KAT6A: variants seen among roughly 807,000 people sequenced by gnomAD.
KAT6A encodes lysine acetyltransferase 6A.
Under a neutral mutation model 198.4 loss-of-function variants are expected in KAT6A, and 9 were observed. That is an observed-to-expected ratio of 0.05 (90% CI 0.03 to 0.08). The LOEUF (loss-of-function observed/expected upper bound fraction) is 0.08. Ranked by LOEUF, KAT6A falls within the 10% of genes least tolerant of loss-of-function variation. The probability of loss-of-function intolerance (pLI) is 1.00; values close to 1 mark genes in which losing one functional copy is unlikely to be tolerated. For missense variants in KAT6A, 2,077 were observed against 2,509.9 expected (o/e 0.83, Z 3.69); for synonymous variants, 890 against 883.0 (o/e 1.01, Z -0.14).
Position 42,034,176 on chromosome 8 carries a change from G to C in KAT6A, c.600+14202C>G, listed in dbSNP as rs115238728. ...GGGCAAGGGAAAACAAGATAGATCT[G>C]AGGAACTGCAGGGAGACTGATGCAG... On this transcript the variant is annotated intron_variant, in intron 2 of 16. Transcript: ENST00000265713. Among the ~76,000 whole-genome samples the C allele has an allele frequency of 1.9e-3, 283 of 152,332 alleles. 1 individual carries two copies. The highest frequency in any genetic ancestry group is 6.6e-3 in the African/African-American group (275 of 41,574).
At chr8:41,954,209 A>T (rs1302744249) in intron 9 of KAT6A, among the ~76,000 whole-genome samples, 9 of 152,224 alleles carry the variant, frequency 5.9e-5, no homozygotes, top group Non-Finnish European at 1.3e-4. Context: ...ATTATATGGA[A>T]AGAAAAAGTA....
chr8:42,036,667 G>A (rs1401863822), intron 2 of KAT6A, among the ~76,000 whole-genome samples: 2 of 152,134 alleles, frequency 1.3e-5, no homozygotes, highest in African/African-American at 2.4e-5. Flanking sequence ...TGATGCAGGA[G>A]TAGTGAGTGA....
rs534431241 is a variant in KAT6A at position 41,990,124 on chromosome 8, A to G, written c.601-2561T>C. On this transcript the variant is annotated intron_variant, in intron 2 of 16. Transcript: ENST00000265713. ...AAGCCAGTCATGAGATTTGAGCTTT[A>G]TTCTGTAGCCTCTAAGGTACAACTG... Among the ~76,000 whole-genome samples the G allele has an allele frequency of 4.4e-3, 667 of 152,262 alleles. 2 individuals are homozygous for G. Among genetic ancestry groups the G allele is most frequent in the South Asian group, 6.0e-3 (29 of 4,834 alleles).
rs961955191 is a variant in KAT6A at position 41,990,970 on chromosome 8, G to A, written c.601-3407C>T. Among the ~76,000 whole-genome samples the A allele has an allele frequency of 5.5e-5, 8 of 145,698 alleles. No homozygotes were observed. The East Asian group carries it at 6.0e-4, about 11-fold the overall frequency. ...AGATTGTGCCATTGCACTCCAGCCT[G>A]GGTGACAGGGCGAGACTCCGTCTCA... On this transcript the variant is annotated intron_variant, in intron 2 of 16. Transcript: ENST00000265713.
intron 2 of KAT6A, among the ~76,000 whole-genome samples, chr8:42,038,663 A>T (rs1827491880): frequency 6.6e-6 from 1 of 152,246 alleles, no homozygotes; most frequent in African/African-American, 2.4e-5. Flanking sequence ...TTATTTGTGA[A>T]ATCAGATTAG....
At chr8:42,017,365 G>T (rs1224187845) in intron 2 of KAT6A, among the ~76,000 whole-genome samples, 3 of 152,134 alleles carry the variant, frequency 2.0e-5, no homozygotes, top group African/African-American at 7.2e-5. Context: ...AGGACAGGCA[G>T]ATAAATGAAC....
intron 3 of KAT6A, among the ~76,000 whole-genome samples, chr8:41,984,174 G>T (rs1397076379): frequency 6.6e-6 from 1 of 152,126 alleles, no homozygotes; most frequent in African/African-American, 2.4e-5. Flanking sequence ...AGGCATTCTT[G>T]CCTCCTGCTA....
chr8:42,031,452 A>G (rs1297986714), intron 2 of KAT6A, among the ~76,000 whole-genome samples: 1 of 151,946 alleles, frequency 6.6e-6, no homozygotes, highest in Non-Finnish European at 1.5e-5. Flanking sequence ...TAATCAACCT[A>G]ATTTCTATCA....
intron 6 of KAT6A, among the ~76,000 whole-genome samples, chr8:41,978,229 G>C (rs1410244493): frequency 1.3e-5 from 2 of 152,176 alleles, no homozygotes; most frequent in East Asian, 1.9e-4. Flanking sequence ...ACTGAGACAA[G>C]ATCAGGAGAG....
At chr8:42,005,796 A>ACTCACT (rs3041258) in intron 2 of KAT6A, among the ~76,000 whole-genome samples, 2 of 148,794 alleles carry the variant, frequency 1.3e-5, no homozygotes, top group East Asian at 2.0e-4. Context: ...ACACACACAC[A>ACTCACT]CACTCACTCT....
chr8:42,022,486 T>C (rs1826595475), intron 2 of KAT6A, among the ~76,000 whole-genome samples: 3 of 152,208 alleles, frequency 2.0e-5, no homozygotes, highest in South Asian at 4.1e-4. Context: ...TCTTTGGTCA[T>C]TAGGCTGGAA....
At chr8:41,987,384 A>C in intron 3 of KAT6A, 71 bp downstream of exon 3, 1 of 861,798 alleles carries the variant, frequency 1.2e-6, no homozygotes, top group Non-Finnish European at 2.0e-6. Context: ...AAGGATACAA[A>C]CTCAAGTCAA....
chr8:42,045,854 G>A (rs1284016178), intron 2 of KAT6A, among the ~76,000 whole-genome samples: 4 of 150,882 alleles, frequency 2.7e-5, no homozygotes, highest in Non-Finnish European at 5.9e-5. Context: ...ACGTGGTGGC[G>A]CAAACCTATA....
At chr8:41,959,804 A>C (rs1421658253) in intron 8 of KAT6A, among the ~76,000 whole-genome samples, 4 of 152,142 alleles carry the variant, frequency 2.6e-5, no homozygotes, top group African/African-American at 9.7e-5. Context: ...TAAAAATACA[A>C]TAATTAGCTG....
At chr8:42,048,041 G>A (rs1802402638) in intron 2 of KAT6A, among the ~76,000 whole-genome samples, 1 of 151,448 alleles carries the variant, frequency 6.6e-6, no homozygotes, top group Admixed American at 6.6e-5. Flanking sequence ...TTTAGTTAAA[G>A]TTTTAAAGTC....
At chr8:41,966,314 G>A (rs1380584985) in intron 8 of KAT6A, among the ~76,000 whole-genome samples, 1 of 151,802 alleles carries the variant, frequency 6.6e-6, no homozygotes, top group South Asian at 2.1e-4. Flanking sequence ...CGTCAGCCTC[G>A]GTGCAAATTT....
chr8:41,954,609 T>G (rs1275047303), intron 9 of KAT6A, among the ~76,000 whole-genome samples: 3 of 152,230 alleles, frequency 2.0e-5, no homozygotes. Flanking sequence ...CACTTACCAT[T>G]TTCTAAGTGA....
chr8:42,019,299 G>A (rs571238839), intron 2 of KAT6A, among the ~76,000 whole-genome samples: 1 of 152,162 alleles, frequency 6.6e-6, no homozygotes, highest in African/African-American at 2.4e-5. Flanking sequence ...AGATTCTTAT[G>A]TGCCAGGAAC....
intron 3 of KAT6A, among the ~76,000 whole-genome samples, chr8:41,984,650 CTAG>C (rs1564042136): frequency 6.6e-6 from 1 of 152,174 alleles, no homozygotes; most frequent in African/African-American, 2.4e-5. Flanking sequence ...CAACAGATAA[CTAG>C]TAGTTAATTG....
Sources: gnomAD v4.1 joint callset for allele counts (sites outside exome capture counted in the v4.1 genomes callset) on GRCh38, gnomAD v4.1.1 for gene constraint, MANE v1.5 for transcripts, NCBI Gene and HGNC (gene_info 2026-07-23, HGNC 2026-07-21) for gene names.